The following APOC4 variants were observed in gnomAD, a reference collection of about 807,000 sequenced individuals.
APOC4 encodes the protein apolipoprotein C4, also known as apolipoprotein C-IV.
Under a neutral mutation model 8.4 loss-of-function variants are expected in APOC4, and 10 were observed. The observed-to-expected ratio is 1.19, with a 90% CI of 0.74 to 2.03. The LOEUF is 2.03. Ranked by LOEUF, APOC4 falls within the 30% of genes most tolerant of loss-of-function variation. The pLI is 0.00. For synonymous variants in APOC4, 59 were observed against 65.8 expected, an observed-to-expected ratio of 0.90 and a Z score of 0.50; for missense variants, 160 against 156.1, an observed-to-expected ratio of 1.02 and a Z score of -0.13.
intron 1 of APOC4, among the ~76,000 whole-genome samples, chr19:44,943,369 A>G (rs1169478849): frequency 6.8e-6 from 1 of 146,770 alleles, no homozygotes; most frequent in African/African-American, 2.5e-5. Flanking sequence ...ACGCCCGGCC[A>G]TGTACTTTAT....
chr19:44,942,953 G>C (rs1970276039), intron 1 of APOC4, among the ~76,000 whole-genome samples: 1 of 151,244 alleles, frequency 6.6e-6, no homozygotes, highest in Non-Finnish European at 1.5e-5. Flanking sequence ...ACGGAGTCTC[G>C]CTCTGTTACC....
intron 1 of APOC4, among the ~76,000 whole-genome samples, chr19:44,943,726 GA>G (rs569505878): frequency 9.3e-4 from 131 of 140,214 alleles, no homozygotes; most frequent in Middle Eastern, 3.8e-3. Flanking sequence ...GACTCCGTCT[GA>G]AAAAAAAAAA....
At chr19:44,943,145 T>C (rs1286925164) in intron 1 of APOC4, among the ~76,000 whole-genome samples, 1 of 151,930 alleles carries the variant, frequency 6.6e-6, no homozygotes, top group Non-Finnish European at 1.5e-5. Context: ...ATGGTCTCCA[T>C]ATCCTGACCT....
Position 44,945,385 on chromosome 19 carries a change from T to C in APOC4, c.*80T>C. The C allele has an allele frequency of 6.8e-7, 1 of 1,476,498 alleles. No homozygotes were observed. Among genetic ancestry groups the C allele is most frequent in the Non-Finnish European group, 9.1e-7 (1 of 1,094,106 alleles). The allele number at this position is 1,476,498 out of a possible 1,614,324, so 91.5% of individuals were successfully genotyped here. ...CAGGAGGCTGAGGTAGGATGATGGC[T>C]TGAGCCCAGGAGTTCGAGACCAGCC... On this transcript the variant is annotated 3_prime_UTR_variant, in exon 3 of 3. Coordinates refer to ENST00000592954, the MANE Select transcript of APOC4 (RefSeq NM_001646.3).
Position 44,942,354 on chromosome 19 carries a change from G to T in APOC4, c.76+1G>T. ...GTGCTGGTCCTGGCCTGCATTGGGG[G>T]TGAGAAGAAGTGGGTGGAGGGATGT... On this transcript the variant is annotated splice_donor_variant, in intron 1 of 2. Transcript: ENST00000592954. LOFTEE classifies it high-confidence loss of function. 17 of 1,613,362 alleles carry T rather than the reference G, an allele frequency of 1.1e-5. No homozygotes were observed. Among genetic ancestry groups the T allele is most frequent in the Non-Finnish European group, 1.4e-5 (17 of 1,179,634 alleles).
At chr19:44,943,052 G>T (rs1305552179) in intron 1 of APOC4, among the ~76,000 whole-genome samples, 1 of 152,012 alleles carries the variant, frequency 6.6e-6, no homozygotes, top group Non-Finnish European at 1.5e-5. Context: ...CTCCCGAGTA[G>T]CTGGGACTAC....
In APOC4 at chr19:44,945,312, C is replaced by T; in HGVS notation, c.*7C>T. Reference sequence around the variant, plus strand: ...GGACAAGGACCAGGGTTAAAATGTTCATAAAAGCCAGGTGTGGTTGTGGCG... The same window carrying T: ...GGACAAGGACCAGGGTTAAAATGTTTATAAAAGCCAGGTGTGGTTGTGGCG... On this transcript the variant is annotated 3_prime_UTR_variant, in exon 3 of 3. Coordinates refer to ENST00000592954, the MANE Select transcript of APOC4 (RefSeq NM_001646.3). 1 of 1,610,692 alleles carries T rather than the reference C, an allele frequency of 6.2e-7. No individual in the cohort carries two copies. Among genetic ancestry groups the T allele is most frequent in the African/African-American group, 1.3e-5 (1 of 74,946 alleles).
chr19:44,945,321 C>T lies in APOC4; in HGVS notation c.*16C>T. On this transcript the variant is annotated 3_prime_UTR_variant, in exon 3 of 3. Transcript: ENST00000592954. ...CCAGGGTTAAAATGTTCATAAAAGC[C>T]AGGTGTGGTTGTGGCGGGTGCCTGT... is the stretch of plus-strand genomic sequence containing the variant. 2 of 1,608,564 alleles carry T rather than the reference C, an allele frequency of 1.2e-6. No homozygotes were observed. Among genetic ancestry groups the T allele is most frequent in the Non-Finnish European group, 1.7e-6 (2 of 1,177,892 alleles).
rs202196766 is a variant in APOC4, at chr19:44,945,149, C to G, written c.228C>G (p.Ser76Arg). Residue 76 changes from serine (S) to arginine (R), a missense_variant, in exon 3 of 3, where the codon AGC becomes AGG. Transcript: ENST00000592954. ...RDGWQWFWSP[S>R]TFRGFMQTYY... ...GTCCTCTCTCCTGTAGGAGCCCGAG[C>G]ACCTTCCGGGGCTTCATGCAGACCT... The G allele has an allele frequency of 6.2e-7, 1 of 1,613,628 alleles. No individual in the cohort carries two copies. The highest frequency in any genetic ancestry group is 1.3e-5 in the African/African-American group (1 of 74,890).
chr19:44,942,254 G>A lies in APOC4; in HGVS notation c.-24G>A, dbSNP rs199802151. ...CGGCCCGCAGAGTTGAGCACAGAGG[G>A]ACAGAGGCACGGAACCCCCAGAAAT... On this transcript the variant is annotated 5_prime_UTR_variant, in exon 1 of 3. Coordinates refer to ENST00000592954, the MANE Select transcript of APOC4 (RefSeq NM_001646.3). 6.3e-7 allele frequency: 1 copy of A among 1,597,352 alleles called. No homozygotes were observed. Among genetic ancestry groups the A allele is most frequent in the Admixed American group, 1.7e-5 (1 of 57,202 alleles).
intron 1 of APOC4, 89 bp downstream of exon 1, chr19:44,942,442 A>C: frequency 7.5e-7 from 1 of 1,325,576 alleles, no homozygotes; most frequent in Non-Finnish European, 1.1e-6. Flanking sequence ...GCCACGTGAG[A>C]CATGAGTACG....
At chr19:44,942,463 G>A (rs914691921) in intron 1 of APOC4, 110 bp downstream of exon 1, 39 of 1,021,056 alleles carry the variant, frequency 3.8e-5, no homozygotes, top group Non-Finnish European at 5.2e-5. Context: ...GAGTGTGTGC[G>A]TTTCATGGCG....
chr19:44,943,068 C>G (rs1324971956), intron 1 of APOC4, among the ~76,000 whole-genome samples: 1 of 152,110 alleles, frequency 6.6e-6, no homozygotes, highest in Non-Finnish European at 1.5e-5. Context: ...ACTACAGGAG[C>G]CCACCACCAC....
At chr19:44,943,143 C>T (rs1970278330) in intron 1 of APOC4, among the ~76,000 whole-genome samples, 1 of 152,034 alleles carries the variant, frequency 6.6e-6, no homozygotes, top group Non-Finnish European at 1.5e-5. Flanking sequence ...GGATGGTCTC[C>T]ATATCCTGAC....
intron 2 of APOC4, 46 bp downstream of exon 2, chr19:44,944,936 G>A (rs1970300703): frequency 1.9e-6 from 3 of 1,569,820 alleles, no homozygotes; most frequent in Admixed American, 3.9e-5. Context: ...TCCTGGGTCT[G>A]AGGGAGGAGG....
chr19:44,945,326 G>A lies in APOC4; in HGVS notation c.*21G>A. 6.2e-7 allele frequency: 1 copy of A among 1,606,286 alleles called. No homozygotes were observed. Among genetic ancestry groups the A allele is most frequent in the Admixed American group, 1.7e-5 (1 of 59,248 alleles). ...GTTAAAATGTTCATAAAAGCCAGGT[G>A]TGGTTGTGGCGGGTGCCTGTAGTCC... On this transcript the variant is annotated 3_prime_UTR_variant, in exon 3 of 3. Transcript: ENST00000592954.
In APOC4 at chr19:44,942,315, C is replaced by A; in HGVS notation, c.38C>A (p.Ala13Asp). 6.2e-7 allele frequency: 1 copy of A among 1,613,700 alleles called. No homozygotes were observed. Among genetic ancestry groups the A allele is most frequent in the Non-Finnish European group, 8.5e-7 (1 of 1,179,810 alleles). ...AGAAACAGGCTCCAGGCCCTGCCTG[C>A]CCTGTGCCTCTGCGTGCTGGTCCTG... ...LLRNRLQALPALCLCVLVLAC... is the reference protein window; with the variant it reads ...LLRNRLQALPDLCLCVLVLAC... Residue 13 changes from alanine to aspartate, a missense_variant, in exon 1 of 3, where the codon GCC becomes GAC. Transcript: ENST00000592954.
chr19:44,944,854 T>C lies in APOC4; in HGVS notation c.182T>C (p.Val61Ala). The C allele has an allele frequency of 1.9e-6, 3 of 1,607,960 alleles. No individual in the cohort carries two copies. Among genetic ancestry groups the C allele is most frequent in the Non-Finnish European group, 2.5e-6 (3 of 1,177,974 alleles). The change falls in exon 2 of 3, where the codon GTG (valine) becomes GCG (alanine). Residue 61 changes from valine (V) to alanine (A), a missense_variant. By Grantham distance (64) the Val-to-Ala change is moderately conservative (BLOSUM62 0). Transcript: ENST00000592954. ...AGGATGAAGGAGCTGCTGGAGACAG[T>C]GGTGAACAGGACCAGAGACGGGTGG... Reference protein sequence around the residue: ...RGRMKELLETVVNRTRDGWQW... With the variant: ...RGRMKELLETAVNRTRDGWQW...
In APOC4 at chr19:44,942,347, A is replaced by T. The variant is rs751488815; in HGVS notation, c.70A>T (p.Ile24Phe). The T allele has an allele frequency of 1.8e-5, 29 of 1,613,400 alleles. No individual in the cohort carries two copies. Among genetic ancestry groups the T allele is most frequent in the Non-Finnish European group, 2.4e-5 (28 of 1,179,662 alleles). Residue 24 changes from isoleucine to phenylalanine, a missense_variant, in exon 1 of 3, where the codon ATT becomes TTT. Physicochemically the swap from Ile to Phe is conservative, Grantham distance 21 (BLOSUM62 0). Coordinates refer to ENST00000592954, the MANE Select transcript of APOC4 (RefSeq NM_001646.3). ...LCLCVLVLAC[I>F]GACQPEAQEG... Reference sequence around the variant, plus strand: ...CCTCTGCGTGCTGGTCCTGGCCTGCATTGGGGGTGAGAAGAAGTGGGTGGA... The same window carrying T: ...CCTCTGCGTGCTGGTCCTGGCCTGCTTTGGGGGTGAGAAGAAGTGGGTGGA...
Sources: allele counts gnomAD v4.1 joint callset (sites outside exome capture counted in the v4.1 genomes callset), GRCh38; gene constraint gnomAD v4.1.1; transcripts MANE v1.5; gene names NCBI Gene and HGNC (gene_info 2026-07-23, HGNC 2026-07-21).